CFAP46: variants seen among roughly 807,000 people sequenced by gnomAD.
The protein encoded by CFAP46 is cilia and flagella associated protein 46.
CFAP46 carries 245 observed loss-of-function variants against 325.7 expected under a neutral mutation model. The observed-to-expected ratio is 0.75, with a 90% CI of 0.68 to 0.84. The LOEUF (loss-of-function observed/expected upper bound fraction) is 0.84, where lower values mean the gene tolerates loss of function less well. Among genes scored for constraint, CFAP46 ranks in the 40% least tolerant of loss-of-function variants. The pLI is 0.00. For synonymous variants in CFAP46, 1,523 were observed against 1,495.9 expected, an observed-to-expected ratio of 1.02 and a Z score of -0.42; for missense variants, 3,346 against 3,543.0, an observed-to-expected ratio of 0.94 and a Z score of 1.41.
At chr10:132,813,906 G>C (rs1174848409) in intron 54 of CFAP46, among the ~76,000 whole-genome samples, 1 of 152,196 alleles carries the variant, frequency 6.6e-6, no homozygotes, top group Non-Finnish European at 1.5e-5. Context: ...GGCAGCCCCT[G>C]CTGCTGGACC....
intron 50 of CFAP46, among the ~76,000 whole-genome samples, chr10:132,815,459 C>A (rs1175438256): frequency 6.6e-6 from 1 of 152,204 alleles, no homozygotes; most frequent in Non-Finnish European, 1.5e-5. Flanking sequence ...TCTGAGGGAT[C>A]CTCATTAAGA....
chr10:132,810,660 C>A (rs1201120153), intron 56 of CFAP46, 171 bp from the exon 57 acceptor site: 3 of 745,956 alleles, frequency 4.0e-6, no homozygotes, highest in Non-Finnish European at 4.8e-6. Flanking sequence ...ATGCTCTTGA[C>A]GCCCACCAGG....
At chr10:132,888,286 TG>T (rs1849196594) in intron 25 of CFAP46, among the ~76,000 whole-genome samples, 1 of 150,646 alleles carries the variant, frequency 6.6e-6, no homozygotes, top group Non-Finnish European at 1.5e-5. Flanking sequence ...GCTCCCATCC[TG>T]GGTGCTTCCA....
chr10:132,861,803 G>A (rs936208777), intron 35 of CFAP46, among the ~76,000 whole-genome samples: 1 of 152,192 alleles, frequency 6.6e-6, no homozygotes, highest in Non-Finnish European at 1.5e-5. Flanking sequence ...CTGTGTGCTC[G>A]TTTGGACCTG....
rs192568375 is a variant in CFAP46 at position 132,875,113 on chromosome 10, G to A, written c.4362+1699C>T. Among the ~76,000 whole-genome samples the A allele has an allele frequency of 2.5e-3, 373 of 152,222 alleles. 2 individuals are homozygous for A. The highest frequency in any genetic ancestry group is 8.8e-3 in the African/African-American group (364 of 41,536). ...ACAATTACATTTCTATAGTTTATCT[G>A]GAGTTTAAACATGAAACAAAAAAGC... On this transcript the variant is annotated intron_variant, in intron 31 of 57. Transcript: ENST00000368586.
At chr10:132,823,283 TGTGTGCTGTGTGTTGTGTGTGCTGTGTGA>T in intron 50 of CFAP46, among the ~76,000 whole-genome samples, 1 of 120,934 alleles carries the variant, frequency 8.3e-6, no homozygotes. Context: ...ATGTGTGCTG[TGTGTGCTGTGTGTTGTGTGTGCTGTGTGA>T]GTGCTGATGT....
rs538327750 is a variant in CFAP46 at position 132,868,684 on chromosome 10, C to T, written c.4610+590G>A. On this transcript the variant is annotated intron_variant, in intron 33 of 57. Coordinates refer to ENST00000368586, the MANE Select transcript of CFAP46 (RefSeq NM_001200049.3). ...TGGGGCCAATCGTGAGCTTTATTTTCCTCTTTCTTTTATCTACATGTTCTA... is the reference window on the plus strand; with the variant it reads ...TGGGGCCAATCGTGAGCTTTATTTTTCTCTTTCTTTTATCTACATGTTCTA... Among the ~76,000 whole-genome samples the T allele has an allele frequency of 4.6e-5, 7 of 152,286 alleles. No homozygotes were observed. The East Asian group carries it at 1.3e-3, about 29-fold the overall frequency.
intron 50 of CFAP46, among the ~76,000 whole-genome samples, chr10:132,831,721 C>G (rs1414969460): frequency 6.6e-6 from 1 of 152,090 alleles, no homozygotes; most frequent in East Asian, 1.9e-4. Flanking sequence ...TGTTTAGACA[C>G]TTAATGTGAT....
intron 19 of CFAP46, 30 bp downstream of exon 19, chr10:132,912,616 TCTCTCTCTC>T: frequency 9.4e-7 from 1 of 1,067,606 alleles, no homozygotes; most frequent in Non-Finnish European, 1.3e-6. Context: ...TCTCTCTCTC[TCTCTCTCTC>T]TCTCTCTCTC....
At chr10:132,895,395 C>T (rs1849305040) in intron 24 of CFAP46, among the ~76,000 whole-genome samples, 1 of 152,236 alleles carries the variant, frequency 6.6e-6, no homozygotes, top group African/African-American at 2.4e-5. Flanking sequence ...AGACCAGGAA[C>T]AAGACAAGGC....
chr10:132,834,890 G>A (rs1051126567), intron 47 of CFAP46, 115 bp from the exon 48 acceptor site: 13 of 1,386,740 alleles, frequency 9.4e-6, no homozygotes, highest in Non-Finnish European at 1.1e-5. Flanking sequence ...AAACAGCATG[G>A]TGGACAAGGG....
intron 22 of CFAP46, among the ~76,000 whole-genome samples, chr10:132,900,491 C>T (rs1403646605): frequency 3.3e-5 from 5 of 152,242 alleles, no homozygotes; most frequent in African/African-American, 7.2e-5. Flanking sequence ...TGCTGGCTCA[C>T]GGGTAGACTC....
chr10:132,910,023 C>T lies in CFAP46; in HGVS notation c.2545G>A (p.Glu849Lys), dbSNP rs1396084379. Residue 849 changes from glutamate (E) to lysine (K), a missense_variant, in exon 20 of 58, where the codon GAG becomes AAG. Transcript: ENST00000368586. ...TGCCGGGTGCCGGTGGGCACCGTCT[C>T]CTCGGGCGCACTCCCATTGGTCAGG... is the stretch of plus-strand genomic sequence containing the variant. ...LNLTNGSAPE[E>K]TVPTGTRQQL... 5.8e-6 allele frequency: 9 copies of T among 1,539,252 alleles called. No homozygotes were observed. The highest frequency in any genetic ancestry group is 2.8e-5 in the African/African-American group (2 of 72,280).
rs569695880 is a variant in CFAP46 at position 132,849,879 on chromosome 10, C to T, written c.5952+365G>A. ...CTTCTGAGCTCCCCAGGTCCCTGTG[C>T]GGGGCCTGGCCAGAGCCGCTGCTGC... On this transcript the variant is annotated intron_variant, in intron 41 of 57. Transcript: ENST00000368586. Among the ~76,000 whole-genome samples the T allele has an allele frequency of 1.6e-3, 237 of 152,318 alleles. 2 individuals are homozygous for T. Among genetic ancestry groups the T allele is most frequent in the African/African-American group, 5.4e-3 (223 of 41,580 alleles).
intron 8 of CFAP46, among the ~76,000 whole-genome samples, chr10:132,932,205 C>T (rs1269772786): frequency 6.7e-6 from 1 of 149,688 alleles, no homozygotes; most frequent in East Asian, 2.0e-4. Flanking sequence ...ACACTTCTCA[C>T]ACAGAGCCTG....
Position 132,886,103 on chromosome 10 carries a change from G to A in CFAP46, c.3305-144C>T, listed in dbSNP as rs987602766. On this transcript the variant is annotated intron_variant, in intron 25 of 57. Transcript: ENST00000368586. This position sits in a 1 kb window ranked among gnomAD's most constrained non-coding sequence, Gnocchi z 5.8. Reference sequence around the variant, plus strand: ...AGGTGCCCAGGCCAGCGCATGCCCCGCAGGGCTGAAGTGAGCTGTGGACCT... The same window carrying A: ...AGGTGCCCAGGCCAGCGCATGCCCCACAGGGCTGAAGTGAGCTGTGGACCT... The A allele has an allele frequency of 5.2e-5, 61 of 1,174,480 alleles. No individual in the cohort carries two copies. In the East Asian group the frequency reaches 9.1e-4, roughly 17 times the overall value. 72.8% of individuals were successfully genotyped at this position (1,174,480 alleles called of 1,614,324 possible).
At chr10:132,873,414 A>G (rs1848920649) in intron 31 of CFAP46, among the ~76,000 whole-genome samples, 1 of 152,182 alleles carries the variant, frequency 6.6e-6, no homozygotes. Flanking sequence ...GCACTGAGGC[A>G]TCCAGCGACA....
At position 132,866,054 on chromosome 10, in the gene CFAP46, G is replaced by A. The variant is rs912779517; in HGVS notation, c.4861C>T (p.Leu1621Phe). 2 of 1,528,988 alleles carry A rather than the reference G, an allele frequency of 1.3e-6. No individual in the cohort carries two copies. 94.7% of individuals were successfully genotyped at this position (1,528,988 alleles called of 1,614,324 possible). ...EMNLYQPARL[L>F]LSEAYLAFQE... ...AAAGCCAGGTAAGCCTCCGACAGGAGCAGCCGTGCAGGCTGGTACAGGTTC... is the reference window on the plus strand; with the variant it reads ...AAAGCCAGGTAAGCCTCCGACAGGAACAGCCGTGCAGGCTGGTACAGGTTC... The change falls in exon 35 of 58, where the codon CTC becomes TTC. Residue 1621 changes from leucine to phenylalanine, a missense_variant. Transcript: ENST00000368586.
intron 24 of CFAP46, 166 bp downstream of exon 24, chr10:132,898,793 G>A (rs992845428): frequency 2.2e-6 from 2 of 907,106 alleles, no homozygotes; most frequent in African/African-American, 3.3e-5. Flanking sequence ...CCGCAGTGCT[G>A]GGACTTGGAG....
Sources: allele counts gnomAD v4.1 joint callset (sites outside exome capture counted in the v4.1 genomes callset), GRCh38; gene constraint gnomAD v4.1.1; non-coding constraint Gnocchi (gnomAD v3.1); transcripts MANE v1.5; gene names NCBI Gene and HGNC (gene_info 2026-07-23, HGNC 2026-07-21).